The following PCDHGA4 variants were observed in gnomAD, a reference collection of about 807,000 sequenced individuals.
PCDHGA4 encodes the protein protocadherin gamma subfamily A, 4, also known as protocadherin gamma-A4.
In PCDHGA4, 38 loss-of-function variants were observed where a neutral mutation model predicts 54.6. The ratio of observed to expected loss-of-function variants is 0.70; its 90% CI spans 0.54 to 0.91. PCDHGA4 has a LOEUF of 0.91. Ranked by LOEUF, PCDHGA4 falls within the 40% of genes least tolerant of loss-of-function variation. PCDHGA4 has a pLI of 0.00. For missense variants in PCDHGA4, 1,298 were observed against 1,220.9 expected (o/e 1.06, Z -0.94); for synonymous variants, 511 against 512.9 (o/e 1.00, Z 0.05).
At chr5:141,362,983 T>C (rs1282790095) in intron 1 of PCDHGA4, among the ~76,000 whole-genome samples, 1 of 152,256 alleles carries the variant, frequency 6.6e-6, no homozygotes, top group Admixed American at 6.5e-5. Context: ...GACTTTTGCA[T>C]AATGGCATGG....
chr5:141,455,852 T>C (rs2154565235), intron 1 of PCDHGA4, among the ~76,000 whole-genome samples: 1 of 148,622 alleles, frequency 6.7e-6, no homozygotes, highest in South Asian at 2.1e-4. Context: ...CATAAAATAA[T>C]TTCTTTTATT....
chr5:141,383,869 G>C (rs1311272718), intron 1 of PCDHGA4: 1 of 1,613,980 alleles, frequency 6.2e-7, no homozygotes, highest in Non-Finnish European at 8.5e-7. Context: ...GGCTCAAGAT[G>C]GTCCTGGTAG....
intron 1 of PCDHGA4, chr5:141,366,889 A>G (rs1764852255): frequency 1.6e-6 from 2 of 1,264,154 alleles, no homozygotes; most frequent in African/African-American, 1.5e-5. Flanking sequence ...TTTTTTTTAT[A>G]TAATTCATGC....
intron 1 of PCDHGA4, chr5:141,372,267 G>A (rs763070594): frequency 6.2e-7 from 1 of 1,613,174 alleles, no homozygotes; most frequent in Non-Finnish European, 8.5e-7. Flanking sequence ...GCGCACGGGT[G>A]AGGTGCGCAC....
rs2099745664 is a variant in PCDHGA4 at position 141,493,015 on chromosome 5, T to A, written c.2515-1792T>A. Among the ~76,000 whole-genome samples, 1 of 152,238 alleles carries A rather than the reference T, an allele frequency of 6.6e-6. No homozygotes were observed. The highest frequency in any genetic ancestry group is 1.5e-5 in the Non-Finnish European group (1 of 68,040). ...ATGGAAAGCTATAGGCTCTGCCAGA[T>A]GCCAGGGTGCCCTTATGTGTGAGGA... On this transcript the variant is annotated intron_variant, in intron 1 of 3. Transcript: ENST00000571252. The surrounding 1 kb of genome is among the most constrained non-coding windows in gnomAD (Gnocchi z 4.3).
intron 1 of PCDHGA4, chr5:141,414,822 C>A: frequency 6.2e-7 from 1 of 1,614,240 alleles, no homozygotes; most frequent in Non-Finnish European, 8.5e-7. Context: ...TCAGCAGCAA[C>A]GTGTCGTTGA....
At chr5:141,500,499 G>A (rs531501031) in intron 2 of PCDHGA4, among the ~76,000 whole-genome samples, 11 of 151,970 alleles carry the variant, frequency 7.2e-5, no homozygotes, top group African/African-American at 2.7e-4. Context: ...GTGAGCCACC[G>A]CGCCTGGCCG....
intron 1 of PCDHGA4, chr5:141,388,909 C>A: frequency 1.2e-6 from 2 of 1,613,902 alleles, no homozygotes; most frequent in South Asian, 1.1e-5. Context: ...AATGACAACG[C>A]CCCAGAAGTG....
Position 141,511,451 on chromosome 5 carries a change from A to G in PCDHGA4, c.*278A>G, listed in dbSNP as rs2099883797. On this transcript the variant is annotated 3_prime_UTR_variant, in exon 4 of 4. Coordinates refer to ENST00000571252, the MANE Select transcript of PCDHGA4 (RefSeq NM_018917.4). ...GGGGTTACTGTAGACACCAAGAACC[A>G]TTTGCCACACCCCGTTTAGTTACAG... is the stretch of plus-strand genomic sequence containing the variant. The G allele has an allele frequency of 4.9e-6, 3 of 606,372 alleles. No homozygotes were observed. Among genetic ancestry groups the G allele is most frequent in the Non-Finnish European group, 8.1e-6 (3 of 368,942 alleles). The allele number at this position is 606,372 out of a possible 1,614,324, so 37.6% of individuals were successfully genotyped here.
At position 141,380,161 on chromosome 5, in the gene PCDHGA4, A is replaced by G. The variant is rs552815003; in HGVS notation, c.2514+22540A>G. Among the ~76,000 whole-genome samples, 14 of 152,240 alleles carry G rather than the reference A, an allele frequency of 9.2e-5. No individual in the cohort carries two copies. In the South Asian group the frequency reaches 1.5e-3, roughly 16 times the overall value. On this transcript the variant is annotated intron_variant, in intron 1 of 3. Transcript: ENST00000571252. The stretch of plus-strand genomic sequence containing the variant: ...GTGATCCACCCGCCTCAGCCTCTCA[A>G]AGGGCTGGGATTACAGGCATGAGCC...
rs1374646530 is a variant in PCDHGA4, at chr5:141,431,339, T to C, written c.2515-63468T>C. ...AGCCGACGGTAGTAAGTACCCCGAA[T>C]TGGTGCTGAAACGCGCCCTGGACCG... On this transcript the variant is annotated intron_variant, in intron 1 of 3. Coordinates refer to ENST00000571252, the MANE Select transcript of PCDHGA4 (RefSeq NM_018917.4). This position sits in a 1 kb window ranked among gnomAD's most constrained non-coding sequence, Gnocchi z 4.8. 1 of 1,614,060 alleles carries C rather than the reference T, an allele frequency of 6.2e-7. No individual in the cohort carries two copies. The highest frequency in any genetic ancestry group is 8.5e-7 in the Non-Finnish European group (1 of 1,180,024).
At chr5:141,481,811 G>T (rs1050821120) in intron 1 of PCDHGA4, among the ~76,000 whole-genome samples, 3 of 151,892 alleles carry the variant, frequency 2.0e-5, no homozygotes, top group Admixed American at 1.3e-4. Flanking sequence ...AATTCACCAG[G>T]CGTGGTGGCT....
chr5:141,435,260 T>C (rs1591368331), intron 1 of PCDHGA4, among the ~76,000 whole-genome samples: 1 of 152,236 alleles, frequency 6.6e-6, no homozygotes, highest in African/African-American at 2.4e-5. Context: ...TAGGGATATG[T>C]CCATTTATAC....
At chr5:141,383,978 C>T in intron 1 of PCDHGA4, 1 of 1,613,752 alleles carries the variant, frequency 6.2e-7, no homozygotes, top group Non-Finnish European at 8.5e-7. Context: ...CCTGAAGACA[C>T]ACCTCTTGGG....
chr5:141,458,701 C>A (rs1057501287), intron 1 of PCDHGA4, among the ~76,000 whole-genome samples: 3 of 152,088 alleles, frequency 2.0e-5, no homozygotes, highest in Non-Finnish European at 2.9e-5. Context: ...TCCCGAGTAG[C>A]TGGGATTACA....
intron 1 of PCDHGA4, chr5:141,394,190 G>T (rs1370592594): frequency 1.2e-6 from 2 of 1,613,684 alleles, no homozygotes; most frequent in Non-Finnish European, 1.7e-6. Flanking sequence ...CCTACTCAGC[G>T]TATATCCTAG....
chr5:141,370,026 T>G (rs969820845), intron 1 of PCDHGA4, among the ~76,000 whole-genome samples: 1 of 152,354 alleles, frequency 6.6e-6, no homozygotes, highest in Non-Finnish European at 1.5e-5. Context: ...ACTAAAGATA[T>G]AGTAAGTATA....
chr5:141,478,520 G>A, intron 1 of PCDHGA4: 1 of 1,610,510 alleles, frequency 6.2e-7, no homozygotes, highest in Non-Finnish European at 8.5e-7. Context: ...GCAGGTGTTG[G>A]GTGCAGAGAG....
intron 1 of PCDHGA4, among the ~76,000 whole-genome samples, chr5:141,448,344 A>G (rs2098583423): frequency 6.6e-6 from 1 of 152,080 alleles, no homozygotes; most frequent in Admixed American, 6.6e-5. Flanking sequence ...CATGTACCTC[A>G]ATCTTAGTAG....
Sources: allele counts gnomAD v4.1 joint callset (sites outside exome capture counted in the v4.1 genomes callset), GRCh38; gene constraint gnomAD v4.1.1; non-coding constraint Gnocchi (gnomAD v3.1); transcripts MANE v1.5; gene names NCBI Gene and HGNC (gene_info 2026-07-23, HGNC 2026-07-21).